TTN: variants seen among roughly 807,000 people sequenced by gnomAD.
TTN encodes connectin.
In TTN, 1,525 loss-of-function variants were observed where a neutral mutation model predicts 3,223.0. The observed-to-expected ratio is 0.47, with a 90% CI of 0.45 to 0.49. TTN has a LOEUF of 0.49. Ranked by LOEUF, TTN falls within the 20% of genes least tolerant of loss-of-function variation. TTN has a pLI of 0.00. For missense variants in TTN, 40,786 were observed against 43,424.0 expected, an observed-to-expected ratio of 0.94 and a Z score of 5.40; for synonymous variants, 14,094 against 15,161.0, an observed-to-expected ratio of 0.93 and a Z score of 5.17.
At position 178,561,416 on chromosome 2, in the gene TTN, T is replaced by C; in HGVS notation, c.84716A>G (p.Lys28239Arg). Reference protein sequence around the residue: ...VYAENIAGIGKCSKSCEPVPA... With the variant: ...VYAENIAGIGRCSKSCEPVPA... ...GACTGGTTCACAAGATTTACTGCATTTACCAATTCCAGCAATATTTTCAGC... is the reference window on the plus strand; with the variant it reads ...GACTGGTTCACAAGATTTACTGCATCTACCAATTCCAGCAATATTTTCAGC... The change falls in exon 326 of 363, where the codon AAA (lysine) becomes AGA (arginine). Residue 28239 changes from lysine (K) to arginine (R), a missense_variant. Physicochemically the swap from Lys to Arg is conservative, Grantham distance 26. Transcript: ENST00000589042. 6.2e-7 allele frequency: 1 copy of C among 1,613,788 alleles called. No homozygotes were observed. The highest frequency in any genetic ancestry group is 8.5e-7 in the Non-Finnish European group (1 of 1,179,800).
intron 14 of TTN, 44 bp from the exon 15 acceptor site, chr2:178,785,786 A>C: frequency 1.2e-6 from 2 of 1,614,120 alleles, no homozygotes; most frequent in Non-Finnish European, 1.7e-6. Context: ...TCACCAGATG[A>C]CCACAGCAGT....
intron 47 of TTN, chr2:178,750,406 A>G (rs2085112797): frequency 6.2e-7 from 1 of 1,612,432 alleles, no homozygotes; most frequent in Non-Finnish European, 8.5e-7. Context: ...TTAATATTGA[A>G]TAGTTTTCCA....
rs764270464 is a variant in TTN, at chr2:178,574,087, A to G, written c.72045T>C (p.Ser24015=). 6.2e-7 allele frequency: 1 copy of G among 1,613,510 alleles called. No individual in the cohort carries two copies. The highest frequency in any genetic ancestry group is 8.5e-7 in the Non-Finnish European group (1 of 1,179,570). Residue 24015 remains serine (S), a synonymous_variant, in exon 326 of 363, where the codon TCT becomes TCC. Coordinates refer to ENST00000589042, the MANE Select transcript of TTN (RefSeq NM_001267550.2). ...AGAISPPSEP[S]DAITCRDDVE... is the part of the protein sequence containing the mutation. ...CATCATCCCTGCAAGTGATAGCATC[A>G]GATGGCTCAGATGGTGGACTGATGG...
At chr2:178,751,303 T>G (rs1293288718) in intron 47 of TTN, 1 of 1,611,076 alleles carries the variant, frequency 6.2e-7, no homozygotes. Flanking sequence ...GCAACTTCAC[T>G]TTGGTCTCCT....
Position 178,545,457 on chromosome 2 carries a change from C to T in TTN, c.95653G>A (p.Ala31885Thr), listed in dbSNP as rs72648263. 1.0e-3 allele frequency: 1,616 copies of T among 1,611,290 alleles called. 3 individuals carry two copies. The highest frequency in any genetic ancestry group is 1.2e-3 in the Non-Finnish European group (1,424 of 1,177,816). ...TCACTGTTACCAGCTGCATTCACTG[C>T]GGTCACCCGGAACTGGTAATCACAA... is the stretch of plus-strand genomic sequence containing the variant. ...EGCDYQFRVT[A>T]VNAAGNSEPS... Residue 31885 changes from alanine to threonine, a missense_variant, in exon 344 of 363, where the codon GCA becomes ACA. Ala to Thr is a moderately conservative substitution (Grantham distance 58). Coordinates refer to ENST00000589042, the MANE Select transcript of TTN (RefSeq NM_001267550.2).
chr2:178,633,292 T>C lies in TTN; in HGVS notation c.42981A>G (p.Gly14327=). The C allele has an allele frequency of 6.2e-7, 1 of 1,613,318 alleles. No homozygotes were observed. The highest frequency in any genetic ancestry group is 8.5e-7 in the Non-Finnish European group (1 of 1,179,504). The change falls in exon 233 of 363, where the codon GGA becomes GGG. Residue 14327 remains glycine (G), a synonymous_variant. Coordinates refer to ENST00000589042, the MANE Select transcript of TTN (RefSeq NM_001267550.2). ...CTGTTTCACCAACAAACACCTCTAC[T>C]CCGTACAGAGGCTTTTCCACTTTTA... ...RLIKVEKPLY[G]VEVFVGETAH... is the part of the protein sequence containing the mutation.
At chr2:178,765,861 T>C (rs374108844) in intron 41 of TTN, among the ~76,000 whole-genome samples, 10 of 152,240 alleles carry the variant, frequency 6.6e-5, no homozygotes, top group African/African-American at 2.4e-4. Context: ...GCATGTGGAA[T>C]TCCCTGTCCA....
Position 178,677,848 on chromosome 2 carries a change from T to C in TTN, c.34064A>G (p.Glu11355Gly), listed in dbSNP as rs767719519. ...AACTTCCTCTTCAGGAACAATTTCT[T>C]CTTCAAATAGAACTTCCTCTTCCTG... ...LPQEEEVLFE[E>G]EIVPEEEVLP... The change falls in exon 146 of 363, where the codon GAA becomes GGA. Residue 11355 changes from glutamate to glycine, a missense_variant. Physicochemically the swap from Glu to Gly is moderately conservative, Grantham distance 98. Transcript: ENST00000589042. The C allele has an allele frequency of 8.1e-6, 13 of 1,612,522 alleles. No individual in the cohort carries two copies. The East Asian group carries it at 2.9e-4, about 36-fold the overall frequency.
rs564287456 is a variant in TTN at position 178,739,509 on chromosome 2, T to C, written c.13724A>G (p.Glu4575Gly). 14 of 1,613,840 alleles carry C rather than the reference T, an allele frequency of 8.7e-6. No individual in the cohort carries two copies. In the African/African-American group the frequency reaches 1.6e-4, roughly 18 times the overall value. The change falls in exon 48 of 363, where the codon GAA (glutamate) becomes GGA (glycine). Residue 4575 changes from glutamate to glycine, a missense_variant. Transcript: ENST00000589042. ...ACTTTCAGAGGAAGACTCCTCTTTT[T>C]CCTCTGATGGTTTCAGACTCTCATC... ...KQDESLKPSE[E>G]KEESSSESGT...
chr2:178,688,203 C>T lies in TTN; in HGVS notation c.32219G>A (p.Ser10740Asn), dbSNP rs2071387213. The T allele has an allele frequency of 6.2e-7, 1 of 1,612,768 alleles. No homozygotes were observed. Among genetic ancestry groups the T allele is most frequent in the Admixed American group, 1.7e-5 (1 of 60,030 alleles). The change falls in exon 127 of 363, where the codon AGT becomes AAT. Residue 10740 changes from serine to asparagine, a missense_variant. By Grantham distance (46) the Ser-to-Asn change is conservative. Coordinates refer to ENST00000589042, the MANE Select transcript of TTN (RefSeq NM_001267550.2). ...CACACCTTCCTCCTCTTCTGAGTAACTCCATTCCTCCTCTGCAGATACTTT... is the reference window on the plus strand; with the variant it reads ...CACACCTTCCTCCTCTTCTGAGTAATTCCATTCCTCCTCTGCAGATACTTT... ...RHEVSAEEEW[S>N]YSEEEEGVSI...
rs780766254 is a variant in TTN at position 178,592,582 on chromosome 2, G to A, written c.59423C>T (p.Ala19808Val). ...TGGGAATGGCACTCCTTTGATGATG[G>A]CACTAAGTCTTAGAGTATCACCAAC... is the stretch of plus-strand genomic sequence containing the variant. ...IKVGDTLRLS[A>V]IIKGVPFPKV... The change falls in exon 301 of 363, where the codon GCC becomes GTC. Residue 19808 changes from alanine to valine, a missense_variant. By Grantham distance (64) the Ala-to-Val change is moderately conservative. Transcript: ENST00000589042. The A allele has an allele frequency of 3.7e-6, 6 of 1,613,406 alleles. No individual in the cohort carries two copies. Among genetic ancestry groups the A allele is most frequent in the East Asian group, 2.2e-5 (1 of 44,762 alleles).
chr2:178,695,147 A>G (rs2073403107), intron 115 of TTN, among the ~76,000 whole-genome samples: 1 of 151,892 alleles, frequency 6.6e-6, no homozygotes, highest in South Asian at 2.1e-4. Flanking sequence ...ATTTAAGTTT[A>G]CCATTACAAT....
rs1370538068 is a variant in TTN at position 178,688,280 on chromosome 2, C to T, written c.32198-56G>A. ...GCCTGCTGAGATACAGATGTATATA[C>T]AGCCATGTGGTCACTACAGATGGAT... On this transcript the variant is annotated intron_variant, in intron 126 of 362. Transcript: ENST00000589042. 6.7e-6 allele frequency: 10 copies of T among 1,483,302 alleles called. No individual in the cohort carries two copies. In the East Asian group the frequency reaches 1.6e-4, roughly 23 times the overall value. The allele number at this position is 1,483,302 out of a possible 1,614,324, so 91.9% of individuals were successfully genotyped here.
rs757115467 is a variant in TTN at position 178,584,534 on chromosome 2, T to C, written c.65017A>G (p.Lys21673Glu). Residue 21673 changes from lysine to glutamate, a missense_variant, in exon 311 of 363, where the codon AAG (lysine) becomes GAG (glutamate). By Grantham distance (56) the Lys-to-Glu change is moderately conservative. Coordinates refer to ENST00000589042, the MANE Select transcript of TTN (RefSeq NM_001267550.2). ...TCCCAAGCAACAAAAATACAGTCCTTGTTGACTTTGGTGACTCGTGCATTC... is the reference window on the plus strand; with the variant it reads ...TCCCAAGCAACAAAAATACAGTCCTCGTTGACTTTGGTGACTCGTGCATTC... ...PKNARVTKVNKDCIFVAWDRP... is the reference protein window; with the variant it reads ...PKNARVTKVNEDCIFVAWDRP... 10 of 1,612,902 alleles carry C rather than the reference T, an allele frequency of 6.2e-6. No homozygotes were observed. The African/African-American group carries it at 6.7e-5, about 11-fold the overall frequency.
chr2:178,699,662 C>T (rs1440538298), intron 111 of TTN, among the ~76,000 whole-genome samples: 3 of 146,830 alleles, frequency 2.0e-5, no homozygotes, highest in South Asian at 2.2e-4. Flanking sequence ...CCGCCCGCCT[C>T]GGCCTCCCAA....
Position 178,583,772 on chromosome 2 carries a change from A to T in TTN, c.65410T>A (p.Trp21804Arg), listed in dbSNP as rs745626132. 1 of 1,611,362 alleles carries T rather than the reference A, an allele frequency of 6.2e-7. No individual in the cohort carries two copies. The highest frequency in any genetic ancestry group is 1.1e-5 in the South Asian group (1 of 90,652). The change falls in exon 312 of 363, where the codon TGG becomes AGG. Residue 21804 changes from tryptophan to arginine, a missense_variant. Coordinates refer to ENST00000589042, the MANE Select transcript of TTN (RefSeq NM_001267550.2). The part of the protein sequence containing the change: ...VEACKLPGDK[W>R]VRCNTAPHQI... Reference sequence around the variant, plus strand: ...TGAGGTGCAGTATTGCACCGTACCCATTTATCACCAGGAAGTTTGCAAGCT... The same window carrying T: ...TGAGGTGCAGTATTGCACCGTACCCTTTTATCACCAGGAAGTTTGCAAGCT...
chr2:178,776,937 A>G lies in TTN; in HGVS notation c.4927T>C (p.Cys1643Arg). 1 of 1,613,640 alleles carries G rather than the reference A, an allele frequency of 6.2e-7. No homozygotes were observed. The highest frequency in any genetic ancestry group is 1.7e-5 in the Admixed American group (1 of 59,946). Reference protein sequence around the residue: ...INKAGRDTTRCKVNVEVEFAE... With the variant: ...INKAGRDTTRRKVNVEVEFAE... Reference sequence around the variant, plus strand: ...AACTCAACTTCAACATTTACTTTGCATCTTGTAGTGTCTCTGCCAGCTTTA... The same window carrying G: ...AACTCAACTTCAACATTTACTTTGCGTCTTGTAGTGTCTCTGCCAGCTTTA... Residue 1643 changes from cysteine to arginine, a missense_variant, in exon 28 of 363, where the codon TGC becomes CGC. Cys to Arg is a radical substitution (Grantham distance 180). Coordinates refer to ENST00000589042, the MANE Select transcript of TTN (RefSeq NM_001267550.2).
Position 178,776,639 on chromosome 2 carries a change from C to G in TTN, c.5225G>C (p.Gly1742Ala). 1 of 1,614,102 alleles carries G rather than the reference C, an allele frequency of 6.2e-7. No individual in the cohort carries two copies. The highest frequency in any genetic ancestry group is 8.5e-7 in the Non-Finnish European group (1 of 1,180,008). ...PTMVVEWLHD[G>A]KPLEAANRLR... The stretch of plus-strand genomic sequence containing the variant: ...CCTGTTGGCTGCTTCAAGTGGCTTT[C>G]CATCATGGAGCCACTCCACCACCAT... Residue 1742 changes from glycine (G) to alanine (A), a missense_variant, in exon 28 of 363, where the codon GGA (glycine) becomes GCA (alanine). By Grantham distance (60) the Gly-to-Ala change is moderately conservative. Coordinates refer to ENST00000589042, the MANE Select transcript of TTN (RefSeq NM_001267550.2).
chr2:178,762,702 C>A (rs574847305), intron 43 of TTN, among the ~76,000 whole-genome samples: 7 of 152,142 alleles, frequency 4.6e-5, no homozygotes, highest in Admixed American at 2.0e-4. Context: ...AATCAGTCCT[C>A]ATTTATTAAT....
Sources: gnomAD v4.1 joint callset for allele counts (sites outside exome capture counted in the v4.1 genomes callset) on GRCh38, gnomAD v4.1.1 for gene constraint, MANE v1.5 for transcripts, NCBI Gene and HGNC (gene_info 2026-07-23, HGNC 2026-07-21) for gene names.